Variants in SPINK9 observed in about 807,000 individuals in gnomAD.
SPINK9 encodes the protein serine peptidase inhibitor Kazal type 9, also known as serine protease inhibitor Kazal-type 9.
A neutral mutation model predicts 10.8 loss-of-function variants in SPINK9; 3 were observed. The observed-to-expected ratio is 0.28, with a 90% CI of 0.13 to 0.72. The LOEUF (loss-of-function observed/expected upper bound fraction) is 0.72, where lower values mean the gene tolerates loss of function less well. SPINK9 is among the 30% of genes least tolerant of loss of function. The pLI, the probability that SPINK9 is intolerant of heterozygous loss-of-function variation, is 0.74. For missense variants in SPINK9, 101 were observed against 103.2 expected, an observed-to-expected ratio of 0.98 and a Z score of 0.09; for synonymous variants, 30 against 31.2, an observed-to-expected ratio of 0.96 and a Z score of 0.12.
At chr5:148,330,604 T>A (rs554709589), upstream of SPINK9, among the ~76,000 whole-genome samples, 9 of 152,228 alleles carry the variant, frequency 5.9e-5, no homozygotes, top group Non-Finnish European at 1.2e-4. Context: ...CTAGCCTTGA[T>A]GGTCTTTACA....
chr5:148,327,772 C>T (rs1192305215), intron 2 of SPINK9, among the ~76,000 whole-genome samples: 3 of 151,976 alleles, frequency 2.0e-5, no homozygotes, highest in African/African-American at 7.2e-5. Context: ...AATCCTTTCC[C>T]CATTGCTTGT....
intron 2 of SPINK9, 102 bp downstream of exon 2, chr5:148,336,555 A>C: frequency 2.4e-6 from 3 of 1,266,332 alleles, no homozygotes; most frequent in Non-Finnish European, 3.4e-6. Context: ...TTGAATATTT[A>C]CTTTATGTGT....
intron 2 of SPINK9, among the ~76,000 whole-genome samples, chr5:148,328,764 G>C (rs1757105300): frequency 1.3e-5 from 2 of 152,162 alleles, no homozygotes; most frequent in African/African-American, 2.4e-5. Flanking sequence ...AGATAATCAT[G>C]TGGTTTTTGT....
intron 2 of SPINK9, among the ~76,000 whole-genome samples, chr5:148,327,999 G>A (rs1325738141): frequency 2.6e-5 from 4 of 151,086 alleles, no homozygotes; most frequent in African/African-American, 9.7e-5. Context: ...GCTCTTTTTT[G>A]GTTCCATATG....
At chr5:148,321,348 T>C (rs1305148643) in exon 1 of SPINK9, 3 of 152,146 alleles carry the variant, frequency 2.0e-5, no homozygotes, top group African/African-American at 7.2e-5. Flanking sequence ...GCTCAAGAAC[T>C]ACATGAAGAA....
chr5:148,330,251 A>G (rs895140151), intron 2 of SPINK9, among the ~76,000 whole-genome samples: 1 of 152,044 alleles, frequency 6.6e-6, no homozygotes, highest in African/African-American at 2.4e-5. Context: ...TCCCTTTACC[A>G]TTATGTAATG....
At chr5:148,335,140 C>G (rs1271448703), upstream of SPINK9, among the ~76,000 whole-genome samples, 1 of 152,228 alleles carries the variant, frequency 6.6e-6, no homozygotes, top group Non-Finnish European at 1.5e-5. Flanking sequence ...AGAGTTTTCT[C>G]ATAGTCACTC....
chr5:148,327,469 G>T (rs1343669165), intron 2 of SPINK9, among the ~76,000 whole-genome samples: 1 of 152,122 alleles, frequency 6.6e-6, no homozygotes, highest in African/African-American at 2.4e-5. Context: ...TGTTCACTCT[G>T]ATGGTGGTTT....
chr5:148,327,207 A>C (rs890356422), intron 2 of SPINK9, among the ~76,000 whole-genome samples: 1 of 152,168 alleles, frequency 6.6e-6, no homozygotes, highest in Non-Finnish European at 1.5e-5. Context: ...CGCCATTCTA[A>C]CTGGTGTGAG....
At chr5:148,322,088 C>G (rs1177729849) in intron 1 of SPINK9, among the ~76,000 whole-genome samples, 1 of 152,162 alleles carries the variant, frequency 6.6e-6, no homozygotes, top group African/African-American at 2.4e-5. Flanking sequence ...TTATAGAAAA[C>G]CACAAAGTTA....
chr5:148,330,494 A>C (rs1174439548), intron 2 of SPINK9, among the ~76,000 whole-genome samples: 1 of 152,190 alleles, frequency 6.6e-6, no homozygotes, highest in Non-Finnish European at 1.5e-5. Context: ...TGGAGTATTT[A>C]GTCCATTTAC....
chr5:148,334,062 G>A (rs918425584), upstream of SPINK9, among the ~76,000 whole-genome samples: 1 of 151,794 alleles, frequency 6.6e-6, no homozygotes, highest in African/African-American at 2.4e-5. Flanking sequence ...GGACAAGTGG[G>A]GATTTATAGC....
At chr5:148,336,594 T>A in intron 2 of SPINK9, 141 bp downstream of exon 2, 1 of 899,876 alleles carries the variant, frequency 1.1e-6, no homozygotes, top group Non-Finnish European at 1.7e-6. Flanking sequence ...TCAAAAATTG[T>A]AGGCAGATCT....
chr5:148,338,787 G>A (rs1561769500), intron 3 of SPINK9, among the ~76,000 whole-genome samples, 182 bp downstream of exon 3: 1 of 152,088 alleles, frequency 6.6e-6, no homozygotes, highest in Non-Finnish European at 1.5e-5. Context: ...ACATATTCTG[G>A]AAGTAAGAGT....
intron 1 of SPINK9, among the ~76,000 whole-genome samples, chr5:148,323,220 T>C (rs1320533964): frequency 6.6e-6 from 1 of 152,024 alleles, no homozygotes; most frequent in Non-Finnish European, 1.5e-5. Flanking sequence ...GATGATGACA[T>C]AGAAATAGTG....
At chr5:148,335,443 A>G (rs1339284707), upstream of SPINK9, 7 of 550,576 alleles carry the variant, frequency 1.3e-5, no homozygotes, top group South Asian at 2.5e-5. Context: ...AAGAATCCCC[A>G]TGGCTCGCAG....
chr5:148,337,581 G>A (rs951496266), intron 2 of SPINK9, among the ~76,000 whole-genome samples: 1 of 152,094 alleles, frequency 6.6e-6, no homozygotes, highest in Non-Finnish European at 1.5e-5. Context: ...TACAGCTGGA[G>A]TTTGTGTAGA....
chr5:148,331,604 C>T (rs141731634), upstream of SPINK9, among the ~76,000 whole-genome samples: 64 of 152,164 alleles, frequency 4.2e-4, no homozygotes, highest in African/African-American at 1.3e-3. Context: ...TATATTTCAA[C>T]ATAGCTAAAA....
intron 2 of SPINK9, among the ~76,000 whole-genome samples, chr5:148,329,859 G>A (rs1420753516): frequency 6.6e-6 from 1 of 152,094 alleles, no homozygotes. Flanking sequence ...ATTGCACTGT[G>A]GTCTGAGAGA....
Sources: gnomAD v4.1 joint callset for allele counts (sites outside exome capture counted in the v4.1 genomes callset) on GRCh38, gnomAD v4.1.1 for gene constraint, MANE v1.5 for transcripts, NCBI Gene and HGNC (gene_info 2026-07-23, HGNC 2026-07-21) for gene names.